The following SLX4IP variants were observed in gnomAD, a reference collection of about 807,000 sequenced individuals.
SLX4IP encodes protein SLX4IP.
SLX4IP carries 34 observed loss-of-function variants against 32.9 expected under a neutral mutation model. That is an observed-to-expected ratio of 1.03 (90% CI 0.79 to 1.38). SLX4IP has a LOEUF of 1.38. SLX4IP is among the 40% of genes most tolerant of loss of function. The probability of loss-of-function intolerance (pLI) is 0.00; values close to 1 mark genes in which losing one functional copy is unlikely to be tolerated. For synonymous variants in SLX4IP, 172 were observed against 171.7 expected (o/e 1.00, Z -0.01); for missense variants, 444 against 479.0 (o/e 0.93, Z 0.68).
chr20:10,516,762 G>T (rs1351063923), intron 2 of SLX4IP, among the ~76,000 whole-genome samples: 1 of 152,168 alleles, frequency 6.6e-6, no homozygotes, highest in Non-Finnish European at 1.5e-5. Flanking sequence ...TTCAAAGTGG[G>T]TTAGGTTGTC....
At chr20:10,574,241 AC>A (rs2066497772) in intron 4 of SLX4IP, among the ~76,000 whole-genome samples, 1 of 152,204 alleles carries the variant, frequency 6.6e-6, no homozygotes, top group South Asian at 2.1e-4. Context: ...ATTCAAAAAA[AC>A]GTGATGTACA....
chr20:10,435,880 T>TA (rs2065107460), intron 1 of SLX4IP, among the ~76,000 whole-genome samples: 1 of 152,198 alleles, frequency 6.6e-6, no homozygotes, highest in East Asian at 1.9e-4. Flanking sequence ...TGCTAGGCCA[T>TA]AAGGATTCAG....
chr20:10,535,375 G>A (rs1351295286), intron 2 of SLX4IP, among the ~76,000 whole-genome samples: 1 of 152,182 alleles, frequency 6.6e-6, no homozygotes, highest in Non-Finnish European at 1.5e-5. Context: ...AAGCTGGAGT[G>A]TAGTGGTGTG....
chr20:10,459,699 C>T (rs1176320522), intron 2 of SLX4IP, among the ~76,000 whole-genome samples: 6 of 152,158 alleles, frequency 3.9e-5, no homozygotes. Context: ...CCTGGTTGCC[C>T]TCTTTCATTT....
chr20:10,574,385 T>G (rs1182055713), intron 4 of SLX4IP, among the ~76,000 whole-genome samples: 2 of 152,172 alleles, frequency 1.3e-5, no homozygotes, highest in Non-Finnish European at 2.9e-5. Context: ...ACATACTGCT[T>G]CTTTCTCTCC....
chr20:10,500,226 G>A (rs2065705493), intron 2 of SLX4IP, among the ~76,000 whole-genome samples: 2 of 127,984 alleles, frequency 1.6e-5, no homozygotes, highest in Middle Eastern at 6.3e-3. Flanking sequence ...CCTCTGAATT[G>A]TTCAAGCAAT....
At chr20:10,454,772 A>G (rs573559300) in intron 1 of SLX4IP, among the ~76,000 whole-genome samples, 2 of 152,228 alleles carry the variant, frequency 1.3e-5, no homozygotes, top group African/African-American at 4.8e-5. Flanking sequence ...ATCCTTAGGA[A>G]TGGAAATGCT....
chr20:10,621,454 C>T, intron 7 of SLX4IP, 40 bp downstream of exon 7: 1 of 1,559,542 alleles, frequency 6.4e-7, no homozygotes. Flanking sequence ...TTTTGCCTGT[C>T]TCTATGTATG....
chr20:10,443,706 A>C (rs1447745783), intron 1 of SLX4IP, among the ~76,000 whole-genome samples: 1 of 152,144 alleles, frequency 6.6e-6, no homozygotes, highest in Non-Finnish European at 1.5e-5. Context: ...TGTGTTCCTG[A>C]GCAAATCTCA....
At chr20:10,511,963 T>A (rs2065811384) in intron 2 of SLX4IP, among the ~76,000 whole-genome samples, 1 of 152,266 alleles carries the variant, frequency 6.6e-6, no homozygotes, top group Non-Finnish European at 1.5e-5. Context: ...ATTTTTTTCT[T>A]GTCAGATAAT....
Position 10,623,019 on chromosome 20 carries a change from G to A in SLX4IP, c.867G>A (p.Val289=). ...CATGTCCAAAACAAAGTCCACGAGT[G>A]GCCAAAACCCAACAGAAACGCAGGA... is the stretch of plus-strand genomic sequence containing the variant. ...ASPCPKQSPR[V]AKTQQKRRNC... is the part of the protein sequence containing the mutation. The change falls in exon 8 of 8, where the codon GTG becomes GTA. Residue 289 remains valine, a synonymous_variant. Transcript: ENST00000334534. 8 of 1,614,110 alleles carry A rather than the reference G, an allele frequency of 5.0e-6. No individual in the cohort carries two copies. Among genetic ancestry groups the A allele is most frequent in the Non-Finnish European group, 5.1e-6 (6 of 1,180,020 alleles).
At chr20:10,521,238 A>G (rs2065899109) in intron 2 of SLX4IP, among the ~76,000 whole-genome samples, 1 of 152,042 alleles carries the variant, frequency 6.6e-6, no homozygotes, top group Non-Finnish European at 1.5e-5. Flanking sequence ...TCTCCATGGC[A>G]GATCATCTTT....
chr20:10,540,084 CTCCTTCCTTCCTTTCCTTCCTTCCT>C (rs2066086851), intron 2 of SLX4IP, among the ~76,000 whole-genome samples: 1 of 125,302 alleles, frequency 8.0e-6, no homozygotes, highest in Admixed American at 8.6e-5. Flanking sequence ...TTTCTTTTCT[CTCCTTCCTTCCTTTCCTTCCTTCCT>C]TCCTTCCTTC....
intron 6 of SLX4IP, among the ~76,000 whole-genome samples, chr20:10,604,659 T>C (rs2066884672): frequency 6.6e-6 from 1 of 152,266 alleles, no homozygotes; most frequent in Non-Finnish European, 1.5e-5. Context: ...CAGGGAGGTC[T>C]GTCCCTGCTG....
intron 4 of SLX4IP, among the ~76,000 whole-genome samples, chr20:10,573,132 C>T (rs915674027): frequency 2.0e-5 from 3 of 152,196 alleles, no homozygotes; most frequent in Admixed American, 1.3e-4. Flanking sequence ...CCGGCATCCC[C>T]GCGAGTGCAA....
At chr20:10,529,895 GA>G (rs1158149159) in intron 2 of SLX4IP, among the ~76,000 whole-genome samples, 1 of 152,170 alleles carries the variant, frequency 6.6e-6, no homozygotes, top group Non-Finnish European at 1.5e-5. Flanking sequence ...CTCTGCTAAT[GA>G]AGAAGTCCAA....
chr20:10,556,961 C>T (rs1600998596), intron 3 of SLX4IP, among the ~76,000 whole-genome samples: 1 of 152,198 alleles, frequency 6.6e-6, no homozygotes, highest in South Asian at 2.1e-4. Context: ...AACAATCCCA[C>T]CCAAGTGCTG....
At chr20:10,473,909 G>T (rs558975469) in intron 2 of SLX4IP, among the ~76,000 whole-genome samples, 11 of 151,466 alleles carry the variant, frequency 7.3e-5, no homozygotes, top group African/African-American at 2.7e-4. Flanking sequence ...TGCAACCTCC[G>T]CCTCATGGGT....
intron 1 of SLX4IP, among the ~76,000 whole-genome samples, chr20:10,453,363 G>A (rs1332889431): frequency 2.8e-5 from 4 of 140,624 alleles, no homozygotes; most frequent in Non-Finnish European, 6.2e-5. Context: ...TCTCCCCTGC[G>A]GCCTGCTCTG....
Sources: allele counts gnomAD v4.1 joint callset (sites outside exome capture counted in the v4.1 genomes callset), GRCh38; gene constraint gnomAD v4.1.1; transcripts MANE v1.5; gene names NCBI Gene and HGNC (gene_info 2026-07-23, HGNC 2026-07-21).